Variants in IPCEF1 observed in about 807,000 individuals in gnomAD.
The protein encoded by IPCEF1 is interaction protein for cytohesin exchange factors 1.
In IPCEF1, 31 loss-of-function variants were observed where a neutral mutation model predicts 50.9. The observed-to-expected ratio is 0.61, with a 90% CI of 0.46 to 0.82. The LOEUF is 0.82. Among genes scored for constraint, IPCEF1 ranks in the 40% least tolerant of loss-of-function variants. IPCEF1 has a pLI of 0.00. For synonymous variants in IPCEF1, 181 were observed against 192.0 expected (o/e 0.94, Z 0.47); for missense variants, 458 against 514.0 (o/e 0.89, Z 1.05).
intron 1 of IPCEF1, among the ~76,000 whole-genome samples, chr6:154,313,947 T>C (rs754210404): frequency 1.4e-4 from 22 of 151,894 alleles, no homozygotes; most frequent in Non-Finnish European, 2.4e-4. Context: ...GGGATCCCAC[T>C]GTGTTGGCCA....
intron 10 of IPCEF1, among the ~76,000 whole-genome samples, chr6:154,180,413 TA>T (rs1318030967): frequency 5.2e-3 from 174 of 33,608 alleles, no homozygotes; most frequent in Middle Eastern, 0.021. Flanking sequence ...TATATATATA[TA>T]TTTTTTTTTT....
intron 10 of IPCEF1, among the ~76,000 whole-genome samples, chr6:154,191,711 A>AC (rs1218923654): frequency 6.7e-6 from 1 of 149,750 alleles, no homozygotes; most frequent in Non-Finnish European, 1.5e-5. Flanking sequence ...AACAACAACA[A>AC]AGAGTGAACC....
chr6:154,239,686 G>A (rs1207943434), intron 5 of IPCEF1, among the ~76,000 whole-genome samples: 2 of 150,396 alleles, frequency 1.3e-5, no homozygotes, highest in Admixed American at 1.3e-4. Context: ...CACATGGTTA[G>A]TTTGAATTGT....
intron 1 of IPCEF1, among the ~76,000 whole-genome samples, chr6:154,302,043 T>C (rs747098523): frequency 2.6e-5 from 4 of 152,178 alleles, no homozygotes; most frequent in East Asian, 1.9e-4. Flanking sequence ...AGTTTATAGA[T>C]AGACAACTTC....
At chr6:154,349,875 T>G (rs1195558157) in intron 1 of IPCEF1, among the ~76,000 whole-genome samples, 1 of 152,164 alleles carries the variant, frequency 6.6e-6, no homozygotes. Flanking sequence ...ATATTTTTAG[T>G]TTTACATAGA....
chr6:154,178,651 G>T (rs1800565359), intron 10 of IPCEF1, among the ~76,000 whole-genome samples: 2 of 152,038 alleles, frequency 1.3e-5, no homozygotes, highest in South Asian at 4.1e-4. Flanking sequence ...CATGAAAACA[G>T]AATTCACCTA....
chr6:154,253,933 T>C (rs1244163751), intron 3 of IPCEF1, among the ~76,000 whole-genome samples: 1 of 152,184 alleles, frequency 6.6e-6, no homozygotes, highest in African/African-American at 2.4e-5. Flanking sequence ...CTAGAGGTGA[T>C]GTATATCTTA....
chr6:154,262,631 G>T (rs1781629138), intron 3 of IPCEF1, among the ~76,000 whole-genome samples: 1 of 152,180 alleles, frequency 6.6e-6, no homozygotes, highest in Non-Finnish European at 1.5e-5. Context: ...CCAGTTGGAA[G>T]ATTACATCCT....
At chr6:154,289,105 G>A (rs1435563230) in intron 2 of IPCEF1, among the ~76,000 whole-genome samples, 1 of 152,030 alleles carries the variant, frequency 6.6e-6, no homozygotes, top group Admixed American at 6.6e-5. Flanking sequence ...TCAGTGAGGA[G>A]CTAAGACATA....
chr6:154,186,187 A>T (rs916420748), intron 10 of IPCEF1, among the ~76,000 whole-genome samples: 24 of 152,286 alleles, frequency 1.6e-4, no homozygotes, highest in African/African-American at 5.8e-4. Flanking sequence ...CACAGACTTG[A>T]CTTCTCTACC....
chr6:154,196,418 A>T (rs977293845), intron 10 of IPCEF1, among the ~76,000 whole-genome samples: 1 of 151,488 alleles, frequency 6.6e-6, no homozygotes, highest in Non-Finnish European at 1.5e-5. Context: ...ACAATGTTTT[A>T]TTTTTTTTAA....
chr6:154,266,008 G>A (rs773147930), intron 2 of IPCEF1, 44 bp from the exon 3 acceptor site: 8 of 1,152,124 alleles, frequency 6.9e-6, no homozygotes, highest in East Asian at 2.4e-5. Flanking sequence ...AGATTAAAGT[G>A]TTCATAAAAA....
rs1798748311 is a variant in IPCEF1 at position 154,157,111 on chromosome 6, C to T, written c.*2717G>A. ...TCTCAAGAAATATACTGAAAGTAAT[C>T]CAGTTTTCCCAATATTCTTTGGACC... On this transcript the variant is annotated 3_prime_UTR_variant, in exon 12 of 12. Transcript: ENST00000367220. 1 of 152,172 alleles carries T rather than the reference C, an allele frequency of 6.6e-6. No homozygotes were observed. Among genetic ancestry groups the T allele is most frequent in the African/African-American group, 2.4e-5 (1 of 41,426 alleles). 9.4% of individuals were successfully genotyped at this position (152,172 alleles called of 1,614,324 possible). A position where few individuals can be genotyped will look rare whatever the true frequency, so the allele number is the denominator to read the frequency against.
Position 154,196,261 on chromosome 6 carries a change from A to G in IPCEF1, c.910+3407T>C, listed in dbSNP as rs74533766. On this transcript the variant is annotated intron_variant, in intron 10 of 11. Transcript: ENST00000367220. ...AGGAGGCATACTGCATGATTCCAAC[A>G]GCAACTCTCAAAGTAGCTAGCTAAA... Among the ~76,000 whole-genome samples the G allele has an allele frequency of 7.1e-3, 1,076 of 152,338 alleles. 18 individuals are homozygous for G. The highest frequency in any genetic ancestry group is 0.025 in the African/African-American group (1,041 of 41,572).
chr6:154,317,820 CACCAGGTCTGCCCTT>C (rs1026720209), intron 1 of IPCEF1, among the ~76,000 whole-genome samples: 1 of 151,802 alleles, frequency 6.6e-6, no homozygotes, highest in Non-Finnish European at 1.5e-5. Flanking sequence ...GTTCTGTGAC[CACCAGGTCTGCCCTT>C]TAGTATTTAC....
intron 1 of IPCEF1, among the ~76,000 whole-genome samples, chr6:154,355,008 A>T (rs568678462): frequency 9.7e-5 from 1 of 10,338 alleles, no homozygotes; most frequent in African/African-American, 6.1e-4. Flanking sequence ...ACACACACAC[A>T]CACACACACA....
Position 154,261,626 on chromosome 6 carries a change from C to T in IPCEF1, c.36+4286G>A, listed in dbSNP as rs752035178. ...TTCATTTAGAAGAGAGAAAAGAATA[C>T]TATCAGGTAAACAACTCAGCTTAGC... On this transcript the variant is annotated intron_variant, in intron 3 of 11. Coordinates refer to ENST00000367220, the MANE Select transcript of IPCEF1 (RefSeq NM_001130700.2). 5.9e-5 allele frequency among the ~76,000 whole-genome samples: 9 copies of T among 152,162 alleles called. 1 individual carries two copies. Among genetic ancestry groups the T allele is most frequent in the Non-Finnish European group, 1.2e-4 (8 of 68,020 alleles).
intron 1 of IPCEF1, among the ~76,000 whole-genome samples, chr6:154,296,836 A>G (rs1782675285): frequency 6.7e-6 from 1 of 149,178 alleles, no homozygotes; most frequent in African/African-American, 2.5e-5. Flanking sequence ...CTCAAAAAAA[A>G]AAAAAAAGAA....
chr6:154,202,770 C>A (rs1336764177), intron 9 of IPCEF1, among the ~76,000 whole-genome samples: 2 of 152,082 alleles, frequency 1.3e-5, no homozygotes, highest in African/African-American at 4.8e-5. Context: ...ATGACTCAAA[C>A]ACAGTGCAAA....
Sources: allele counts gnomAD v4.1 joint callset (sites outside exome capture counted in the v4.1 genomes callset), GRCh38; gene constraint gnomAD v4.1.1; transcripts MANE v1.5; gene names NCBI Gene and HGNC (gene_info 2026-07-23, HGNC 2026-07-21).